DNTT: variants seen among roughly 807,000 people sequenced by gnomAD.
DNTT encodes DNA nucleotidylexotransferase, also known as nucleosidetriphosphate:DNA deoxynucleotidylexotransferase.
In DNTT, 47 loss-of-function variants were observed where a neutral mutation model predicts 60.9. The ratio of observed to expected loss-of-function variants is 0.77; its 90% CI spans 0.61 to 0.98. The LOEUF (loss-of-function observed/expected upper bound fraction) is 0.98. DNTT is among the 50% of genes least tolerant of loss of function. The pLI is 0.00. For missense variants in DNTT, 665 were observed against 627.5 expected (o/e 1.06, Z -0.64); for synonymous variants, 224 against 221.2 (o/e 1.01, Z -0.11).
chr10:96,307,182 C>T (rs941561346), intron 1 of DNTT, among the ~76,000 whole-genome samples: 12 of 152,136 alleles, frequency 7.9e-5, no homozygotes, highest in African/African-American at 2.4e-4. Flanking sequence ...CAGCAAAACC[C>T]TAAGGAATGG....
intron 9 of DNTT, among the ~76,000 whole-genome samples, chr10:96,335,364 C>A (rs995218908): frequency 6.6e-6 from 1 of 152,192 alleles, no homozygotes; most frequent in Non-Finnish European, 1.5e-5. Flanking sequence ...CAGAGGGAGT[C>A]TTAATCATGT....
intron 6 of DNTT, 118 bp from the exon 7 acceptor site, chr10:96,327,350 G>A: frequency 7.0e-7 from 1 of 1,419,956 alleles, no homozygotes; most frequent in Non-Finnish European, 9.9e-7. Context: ...AATGGAGTTT[G>A]GTGTTGATGC....
At chr10:96,317,261 T>C (rs1180649266) in intron 1 of DNTT, among the ~76,000 whole-genome samples, 1 of 152,216 alleles carries the variant, frequency 6.6e-6, no homozygotes, top group Non-Finnish European at 1.5e-5. Context: ...GAATGTCACT[T>C]GACCTCTCTG....
chr10:96,326,289 A>G (rs144019384), intron 6 of DNTT, among the ~76,000 whole-genome samples: 2 of 152,350 alleles, frequency 1.3e-5, no homozygotes, highest in African/African-American at 4.8e-5. Context: ...AAAAATGGCC[A>G]TGTTGCAATA....
At chr10:96,323,494 T>C (rs888185382) in intron 5 of DNTT, among the ~76,000 whole-genome samples, 1 of 152,126 alleles carries the variant, frequency 6.6e-6, no homozygotes, top group Non-Finnish European at 1.5e-5. Flanking sequence ...ATTATTGCCA[T>C]GCTGTCGTGA....
At chr10:96,328,084 C>G (rs938002494) in intron 7 of DNTT, among the ~76,000 whole-genome samples, 1 of 152,206 alleles carries the variant, frequency 6.6e-6, no homozygotes, top group Non-Finnish European at 1.5e-5. Context: ...TGATGCCTAG[C>G]ACAAAGTAGG....
chr10:96,311,602 A>C (rs1393157047), intron 1 of DNTT, among the ~76,000 whole-genome samples: 2 of 152,206 alleles, frequency 1.3e-5, no homozygotes, highest in African/African-American at 4.8e-5. Flanking sequence ...ATCTTTTACC[A>C]CATCTTTTAT....
At chr10:96,322,586 A>G in intron 4 of DNTT, 71 bp from the exon 5 acceptor site, 3 of 1,300,738 alleles carry the variant, frequency 2.3e-6, no homozygotes, top group African/African-American at 1.5e-5. Flanking sequence ...TACTAGGTCC[A>G]TGAATTTGAG....
intron 1 of DNTT, among the ~76,000 whole-genome samples, chr10:96,316,876 A>G (rs1589371304): frequency 1.3e-5 from 2 of 151,686 alleles, no homozygotes; most frequent in Non-Finnish European, 2.9e-5. Flanking sequence ...TTGGTACCCA[A>G]CCTCCTCCTA....
intron 1 of DNTT, chr10:96,306,423 G>A (rs1844638780): frequency 6.6e-6 from 1 of 152,170 alleles, no homozygotes; most frequent in African/African-American, 2.4e-5. Flanking sequence ...GAAATTAAAA[G>A]CCTTAGCAAA....
At chr10:96,321,288 C>A (rs2133989176) in intron 4 of DNTT, among the ~76,000 whole-genome samples, 1 of 152,190 alleles carries the variant, frequency 6.6e-6, no homozygotes, top group East Asian at 1.9e-4. Context: ...ACAAGTGCAG[C>A]GTTTGACCTT....
intron 1 of DNTT, among the ~76,000 whole-genome samples, chr10:96,308,575 C>G (rs940004636): frequency 7.9e-5 from 12 of 152,222 alleles, no homozygotes; most frequent in Non-Finnish European, 1.3e-4. Context: ...CAACCCTCCT[C>G]CATAAACACA....
chr10:96,335,737 C>T (rs118077625), intron 9 of DNTT, among the ~76,000 whole-genome samples, 154 bp from the exon 10 acceptor site: 14 of 152,316 alleles, frequency 9.2e-5, no homozygotes, highest in Non-Finnish European at 1.6e-4. Context: ...CATGGGAGCA[C>T]GGACTTCTGT....
intron 10 of DNTT, among the ~76,000 whole-genome samples, 179 bp from the exon 11 acceptor site, chr10:96,337,959 T>G (rs1278656096): frequency 6.6e-6 from 1 of 152,240 alleles, no homozygotes; most frequent in Non-Finnish European, 1.5e-5. Flanking sequence ...CTTTAATTCA[T>G]TTAGTACCAT....
At chr10:96,321,544 C>T (rs1285537555) in intron 4 of DNTT, among the ~76,000 whole-genome samples, 2 of 152,100 alleles carry the variant, frequency 1.3e-5, no homozygotes, top group Admixed American at 6.5e-5. Flanking sequence ...GCCCACTCGC[C>T]CAATTCCTGA....
At chr10:96,332,185 C>CTTTCTTAGTGTT (rs1292005200) in intron 8 of DNTT, among the ~76,000 whole-genome samples, 166 bp from the exon 9 acceptor site, 1 of 152,230 alleles carries the variant, frequency 6.6e-6, no homozygotes, top group East Asian at 1.9e-4. Context: ...AATGCAACCA[C>CTTTCTTAGTGTT]TTTCTTAGTG....
intron 9 of DNTT, among the ~76,000 whole-genome samples, chr10:96,333,846 G>A (rs940799877): frequency 6.6e-6 from 1 of 152,216 alleles, no homozygotes; most frequent in Non-Finnish European, 1.5e-5. Flanking sequence ...AAAATGGACA[G>A]GGAAAAGGGT....
rs1845097774 is a variant in DNTT at position 96,338,346 on chromosome 10, A to G, written c.*122A>G. The G allele has an allele frequency of 6.0e-6, 5 of 837,552 alleles. No individual in the cohort carries two copies. Among genetic ancestry groups the G allele is most frequent in the African/African-American group, 1.7e-5 (1 of 57,868 alleles). The allele number at this position is 837,552 out of a possible 1,614,324, so 51.9% of individuals were successfully genotyped here. ...AGGTCTTATTGAAATGCAGATTGCT[A>G]CTAGAAATAAATAACTTTGGAAACA... is the stretch of plus-strand genomic sequence containing the variant. On this transcript the variant is annotated 3_prime_UTR_variant, in exon 11 of 11. Coordinates refer to ENST00000371174, the MANE Select transcript of DNTT (RefSeq NM_004088.4).
Position 96,320,622 on chromosome 10 carries a change from C to T in DNTT, c.512C>T (p.Ala171Val). 2 of 1,613,420 alleles carry T rather than the reference C, an allele frequency of 1.2e-6. No homozygotes were observed. Among genetic ancestry groups the T allele is most frequent in the Non-Finnish European group, 1.7e-6 (2 of 1,179,614 alleles). Residue 171 changes from alanine (A) to valine (V), a missense_variant, in exon 4 of 11, where the codon GCC becomes GTC. Coordinates refer to ENST00000371174, the MANE Select transcript of DNTT (RefSeq NM_004088.4). ...LNNCNQIFTD[A>V]FDILAENCEF... The stretch of plus-strand genomic sequence containing the variant: ...TTATCTGGTTTTATCCTGCAGGATG[C>T]CTTTGATATACTGGCTGAAAACTGT...
Sources: gnomAD v4.1 joint callset for allele counts (sites outside exome capture counted in the v4.1 genomes callset) on GRCh38, gnomAD v4.1.1 for gene constraint, MANE v1.5 for transcripts, NCBI Gene and HGNC (gene_info 2026-07-23, HGNC 2026-07-21) for gene names.